ATE1: variants seen among roughly 807,000 people sequenced by gnomAD.
ATE1 encodes arginyl-tRNA--protein transferase 1.
ATE1 carries 36 observed loss-of-function variants against 70.5 expected under a neutral mutation model. The ratio of observed to expected loss-of-function variants is 0.51; its 90% confidence interval spans 0.39 to 0.67. The LOEUF (loss-of-function observed/expected upper bound fraction) is 0.67. Among genes scored for constraint, ATE1 ranks in the 30% least tolerant of loss-of-function variants. The pLI, the probability that ATE1 is intolerant of heterozygous loss-of-function variation, is 0.00. For missense variants in ATE1, 593 were observed against 629.5 expected (o/e 0.94, Z 0.62); for synonymous variants, 232 against 219.3 (o/e 1.06, Z -0.51).
At chr10:121,797,762 G>C (rs1225236154) in intron 10 of ATE1, among the ~76,000 whole-genome samples, 2 of 152,120 alleles carry the variant, frequency 1.3e-5, no homozygotes, top group Non-Finnish European at 1.5e-5. Flanking sequence ...TCCCACCTCA[G>C]AGATTCTCAC....
intron 8 of ATE1, among the ~76,000 whole-genome samples, chr10:121,853,016 C>A (rs1488900227): frequency 1.3e-5 from 2 of 151,998 alleles, no homozygotes; most frequent in East Asian, 1.9e-4. Flanking sequence ...TTTTTAAATT[C>A]TTTTCCTCTA....
intron 7 of ATE1, chr10:121,898,782 A>G: frequency 1.9e-6 from 3 of 1,577,614 alleles, no homozygotes; most frequent in African/African-American, 1.4e-5. Context: ...AGAAAATGGT[A>G]TATATTATAC....
In ATE1 at chr10:121,811,487, A is replaced by T. The variant is rs865855246; in HGVS notation, c.1258-21198T>A. Among the ~76,000 whole-genome samples, 3 of 152,360 alleles carry T rather than the reference A, an allele frequency of 2.0e-5. No individual in the cohort carries two copies. The South Asian group carries it at 6.2e-4, about 32-fold the overall frequency. ...AGGCTTTTTGAATATTTGGCTATTA[A>T]TTGTAACACAATATGAAACTAAGCT... is the stretch of plus-strand genomic sequence containing the variant. On this transcript the variant is annotated intron_variant, in intron 10 of 11. Coordinates refer to ENST00000224652, the MANE Select transcript of ATE1 (RefSeq NM_001001976.3).
chr10:121,917,897 A>G (rs1951723821), intron 3 of ATE1, among the ~76,000 whole-genome samples: 1 of 152,214 alleles, frequency 6.6e-6, no homozygotes, highest in South Asian at 2.1e-4. Context: ...ATTTATACAC[A>G]CATACTGGAG....
At chr10:121,881,264 G>C (rs1950214532) in intron 7 of ATE1, among the ~76,000 whole-genome samples, 1 of 152,024 alleles carries the variant, frequency 6.6e-6, no homozygotes, top group Non-Finnish European at 1.5e-5. Context: ...CTCCATTCCA[G>C]ACACTCTGCT....
At chr10:121,813,296 G>C (rs1590367788) in intron 10 of ATE1, among the ~76,000 whole-genome samples, 1 of 152,226 alleles carries the variant, frequency 6.6e-6, no homozygotes. Context: ...ATCAATTCCT[G>C]TTTCTACACA....
chr10:121,758,362 A>C lies in ATE1; in HGVS notation c.1379-14504T>G, dbSNP rs964981349. On this transcript the variant is annotated intron_variant, in intron 11 of 11. Transcript: ENST00000224652. Reference sequence around the variant, plus strand: ...TACAATGAAAGGGAGTCATAAGACTAATTTCCAAAGAATGAATTTGGCATT... The same window carrying C: ...TACAATGAAAGGGAGTCATAAGACTCATTTCCAAAGAATGAATTTGGCATT... Among the ~76,000 whole-genome samples, 4 of 152,378 alleles carry C rather than the reference A, an allele frequency of 2.6e-5. No individual in the cohort carries two copies. In the East Asian group the frequency reaches 7.7e-4, roughly 29 times the overall value.
chr10:121,918,461 T>C (rs973091110), intron 3 of ATE1, among the ~76,000 whole-genome samples: 4 of 152,218 alleles, frequency 2.6e-5, no homozygotes, highest in Non-Finnish European at 1.5e-5. Context: ...TCCCCTTTTA[T>C]AAAGGCAATA....
intron 10 of ATE1, among the ~76,000 whole-genome samples, chr10:121,791,385 T>C (rs986580280): frequency 6.6e-6 from 1 of 152,002 alleles, no homozygotes; most frequent in Non-Finnish European, 1.5e-5. Context: ...TGAGCCACCG[T>C]GCCTGGCCAA....
At chr10:121,774,497 T>C (rs541661509) in intron 11 of ATE1, among the ~76,000 whole-genome samples, 1 of 152,344 alleles carries the variant, frequency 6.6e-6, no homozygotes, top group East Asian at 1.9e-4. Flanking sequence ...AAAGCTCTCA[T>C]ACAAGCAATC....
chr10:121,756,455 A>G (rs1944805724), intron 11 of ATE1, among the ~76,000 whole-genome samples: 1 of 151,934 alleles, frequency 6.6e-6, no homozygotes, highest in African/African-American at 2.4e-5. Context: ...CCCAGTAAGG[A>G]CTCTGTGGGA....
At chr10:121,857,128 T>C (rs1038114281) in intron 8 of ATE1, among the ~76,000 whole-genome samples, 2 of 152,226 alleles carry the variant, frequency 1.3e-5, no homozygotes, top group Admixed American at 1.3e-4. Context: ...TCAACTTTTA[T>C]TTTAGATTCA....
At chr10:121,845,072 CTA>C in intron 8 of ATE1, among the ~76,000 whole-genome samples, 1 of 152,102 alleles carries the variant, frequency 6.6e-6, no homozygotes, top group African/African-American at 2.4e-5. Flanking sequence ...ACTTAAGAGA[CTA>C]CAGTGTAAAC....
At chr10:121,882,662 A>G (rs1221976425) in intron 7 of ATE1, among the ~76,000 whole-genome samples, 1 of 152,146 alleles carries the variant, frequency 6.6e-6, no homozygotes, top group Non-Finnish European at 1.5e-5. Context: ...TCCTGACCCA[A>G]AATGTATGGA....
chr10:121,898,402 C>T (rs1312869731), intron 7 of ATE1, among the ~76,000 whole-genome samples: 2 of 152,096 alleles, frequency 1.3e-5, no homozygotes, highest in African/African-American at 2.4e-5. Context: ...GTAAAGCAGG[C>T]GAGGCTAAGC....
chr10:121,795,065 T>C (rs1434698898), intron 10 of ATE1, among the ~76,000 whole-genome samples: 2 of 152,048 alleles, frequency 1.3e-5, no homozygotes, highest in Non-Finnish European at 1.5e-5. Context: ...CTGGCCAACA[T>C]GGCGAAACCC....
At chr10:121,881,358 G>C (rs1009091950) in intron 7 of ATE1, among the ~76,000 whole-genome samples, 3 of 152,010 alleles carry the variant, frequency 2.0e-5, no homozygotes, top group African/African-American at 7.2e-5. Context: ...ATGGATTACA[G>C]TACCCCAATA....
At chr10:121,884,766 T>C (rs1479636809) in intron 7 of ATE1, among the ~76,000 whole-genome samples, 1 of 152,232 alleles carries the variant, frequency 6.6e-6, no homozygotes, top group Non-Finnish European at 1.5e-5. Context: ...TGAAAAGCTT[T>C]GGTCATTTAA....
chr10:121,751,935 T>C (rs1193849483), intron 11 of ATE1, among the ~76,000 whole-genome samples: 1 of 152,104 alleles, frequency 6.6e-6, no homozygotes, highest in African/African-American at 2.4e-5. Flanking sequence ...GGCTCCCACC[T>C]GTAATCCCAG....
Sources: gnomAD v4.1 joint callset for allele counts (sites outside exome capture counted in the v4.1 genomes callset) on GRCh38, gnomAD v4.1.1 for gene constraint, MANE v1.5 for transcripts, NCBI Gene and HGNC (gene_info 2026-07-23, HGNC 2026-07-21) for gene names.